ANKIB1: variants seen among roughly 807,000 people sequenced by gnomAD.
The protein encoded by ANKIB1 is ankyrin repeat and IBR domain containing 1.
In ANKIB1, 43 loss-of-function variants were observed where a neutral mutation model predicts 122.1. The observed-to-expected ratio is 0.35, with a 90% CI of 0.28 to 0.45. ANKIB1 has a LOEUF of 0.45. Among genes scored for constraint, ANKIB1 ranks in the 20% least tolerant of loss-of-function variants. The pLI, the probability that ANKIB1 is intolerant of heterozygous loss-of-function variation, is 1.00. For synonymous variants in ANKIB1, 390 were observed against 442.0 expected (o/e 0.88, Z 1.48); for missense variants, 992 against 1,329.5 (o/e 0.75, Z 3.95).
intron 1 of ANKIB1, among the ~76,000 whole-genome samples, chr7:92,266,276 AAG>A (rs1801670701): frequency 6.6e-6 from 1 of 152,226 alleles, no homozygotes; most frequent in South Asian, 2.1e-4. Flanking sequence ...GCGTCCAGTT[AAG>A]TGACAGAAAC....
At chr7:92,369,306 C>G (rs1585129577) in intron 10 of ANKIB1, among the ~76,000 whole-genome samples, 2 of 152,216 alleles carry the variant, frequency 1.3e-5, no homozygotes, top group South Asian at 4.1e-4. Context: ...CAGTTCATTA[C>G]CGCTGTTTCT....
chr7:92,290,314 T>G (rs1003147717), intron 1 of ANKIB1, among the ~76,000 whole-genome samples: 4 of 152,038 alleles, frequency 2.6e-5, no homozygotes, highest in Non-Finnish European at 5.9e-5. Context: ...GATTTAAGGT[T>G]GTTGTTATCA....
At chr7:92,273,768 A>G (rs997477723) in intron 1 of ANKIB1, among the ~76,000 whole-genome samples, 2 of 148,832 alleles carry the variant, frequency 1.3e-5, no homozygotes, top group African/African-American at 4.9e-5. Context: ...TCAGACAGCT[A>G]TTTTTTTTCT....
At chr7:92,247,785 T>A (rs1390765129) in intron 1 of ANKIB1, among the ~76,000 whole-genome samples, 1 of 152,236 alleles carries the variant, frequency 6.6e-6, no homozygotes, top group Non-Finnish European at 1.5e-5. Context: ...AGGTTGTCAT[T>A]CTGCAAACTA....
intron 1 of ANKIB1, among the ~76,000 whole-genome samples, chr7:92,261,398 T>C (rs1490603393): frequency 6.6e-6 from 1 of 150,500 alleles, no homozygotes; most frequent in African/African-American, 2.4e-5. Context: ...TTGTTTGTTT[T>C]GTTTTGTTTT....
At chr7:92,381,259 G>A (rs1263006182) in intron 11 of ANKIB1, among the ~76,000 whole-genome samples, 6 of 152,242 alleles carry the variant, frequency 3.9e-5, no homozygotes, top group South Asian at 2.1e-4. Context: ...CCAAATATAC[G>A]TACAATTGGT....
chr7:92,261,797 A>G (rs1231160043), intron 1 of ANKIB1, among the ~76,000 whole-genome samples: 1 of 152,200 alleles, frequency 6.6e-6, no homozygotes, highest in Non-Finnish European at 1.5e-5. Context: ...TGTGCTTGCT[A>G]TGGAAGTCAT....
intron 1 of ANKIB1, among the ~76,000 whole-genome samples, chr7:92,272,307 G>A (rs1201156670): frequency 3.9e-5 from 6 of 152,090 alleles, no homozygotes; most frequent in Admixed American, 1.3e-4. Flanking sequence ...CAAAACTAGT[G>A]ACATTTAAAT....
intron 3 of ANKIB1, among the ~76,000 whole-genome samples, chr7:92,310,416 T>C (rs1802668272): frequency 6.6e-6 from 1 of 152,200 alleles, no homozygotes; most frequent in South Asian, 2.1e-4. Context: ...TGATCTGTTA[T>C]ATATACTTGA....
At chr7:92,289,558 C>T (rs148664148) in intron 1 of ANKIB1, among the ~76,000 whole-genome samples, 125 of 152,222 alleles carry the variant, frequency 8.2e-4, no homozygotes, top group African/African-American at 2.7e-3. Flanking sequence ...AAAATTAGTC[C>T]GTGGTTCTAA....
At chr7:92,332,729 ATCT>A (rs1803195740) in intron 5 of ANKIB1, among the ~76,000 whole-genome samples, 1 of 152,110 alleles carries the variant, frequency 6.6e-6, no homozygotes, top group Non-Finnish European at 1.5e-5. Context: ...CTGTTCCCAC[ATCT>A]TCTCTTCTCA....
intron 17 of ANKIB1, among the ~76,000 whole-genome samples, chr7:92,394,690 G>A (rs559135221): frequency 5.8e-4 from 88 of 152,216 alleles, no homozygotes; most frequent in Non-Finnish European, 1.0e-3. Context: ...CTGGTCTGTT[G>A]AGCCTTGACG....
At chr7:92,386,441 G>T (rs1348679461) in intron 11 of ANKIB1, 68 bp from the exon 12 acceptor site, 2 of 1,440,676 alleles carry the variant, frequency 1.4e-6, no homozygotes, top group Admixed American at 2.7e-5. Context: ...AGATTGGTTG[G>T]CTATAAAGCA....
chr7:92,344,917 ATGTAT>A, intron 6 of ANKIB1, 56 bp from the exon 7 acceptor site: 2 of 1,418,512 alleles, frequency 1.4e-6, no homozygotes, highest in South Asian at 2.4e-5. Context: ...AGTAAACAAA[ATGTAT>A]TGTTCTCTTT....
chr7:92,294,814 T>C (rs1241264939), intron 1 of ANKIB1, 75 bp from the exon 2 acceptor site: 7 of 512,336 alleles, frequency 1.4e-5, no homozygotes, highest in South Asian at 5.0e-5. Flanking sequence ...TTTTTTTTAG[T>C]GTTCCTAATT....
chr7:92,316,683 G>T (rs1802799347), intron 3 of ANKIB1, among the ~76,000 whole-genome samples: 1 of 152,140 alleles, frequency 6.6e-6, no homozygotes, highest in Non-Finnish European at 1.5e-5. Flanking sequence ...TCTAATAATG[G>T]TCAGCAGTTA....
intron 1 of ANKIB1, among the ~76,000 whole-genome samples, chr7:92,287,863 A>G (rs1013690571): frequency 4.6e-5 from 7 of 151,800 alleles, no homozygotes; most frequent in Non-Finnish European, 1.0e-4. Flanking sequence ...GTGAAACCCC[A>G]TCTCTACTAA....
intron 1 of ANKIB1, among the ~76,000 whole-genome samples, chr7:92,260,143 A>T (rs1236780136): frequency 6.6e-6 from 1 of 152,104 alleles, no homozygotes; most frequent in Admixed American, 6.5e-5. Context: ...GAGAATAAAA[A>T]GGTAGTGATT....
chr7:92,366,918 A>T (rs539376755), intron 10 of ANKIB1, among the ~76,000 whole-genome samples: 1 of 152,328 alleles, frequency 6.6e-6, no homozygotes, highest in South Asian at 2.1e-4. Flanking sequence ...TTAAAATTGG[A>T]TGAATCATTC....
Sources: gnomAD v4.1 joint callset for allele counts (sites outside exome capture counted in the v4.1 genomes callset) on GRCh38, gnomAD v4.1.1 for gene constraint, MANE v1.5 for transcripts, NCBI Gene and HGNC (gene_info 2026-07-23, HGNC 2026-07-21) for gene names.